Variants in ZC3H13 observed in about 807,000 individuals in gnomAD.
The protein encoded by ZC3H13 is zinc finger CCCH-type containing 13.
In ZC3H13, 64 loss-of-function variants were observed where a neutral mutation model predicts 204.1. The ratio of observed to expected loss-of-function variants is 0.31; its 90% confidence interval spans 0.26 to 0.39. The LOEUF (loss-of-function observed/expected upper bound fraction) is 0.39. Ranked by LOEUF, ZC3H13 falls within the 10% of genes least tolerant of loss-of-function variation. ZC3H13 has a pLI of 1.00. For missense variants in ZC3H13, 1,833 were observed against 2,082.7 expected (o/e 0.88, Z 2.33); for synonymous variants, 667 against 693.7 (o/e 0.96, Z 0.60).
At chr13:45,979,672 T>C in intron 11 of ZC3H13, 141 bp downstream of exon 11, 1 of 763,474 alleles carries the variant, frequency 1.3e-6, no homozygotes, top group Admixed American at 3.4e-5. Context: ...ATTATATGAG[T>C]ATATATAATA....
Position 45,969,415 on chromosome 13 carries a change from A to T in ZC3H13, c.3129T>A (p.Val1043=). 1 of 1,614,044 alleles carries T rather than the reference A, an allele frequency of 6.2e-7. No homozygotes were observed. Among genetic ancestry groups the T allele is most frequent in the Non-Finnish European group, 8.5e-7 (1 of 1,179,986 alleles). Residue 1043 remains valine (V), a synonymous_variant, in exon 14 of 19, where the codon GTT becomes GTA. Transcript: ENST00000679008. ...TACCATTCTTACCATTGCACATTTC[A>T]ACCAATTCCTCTTTAGTTGTTATAG... ...TPPITTKEEL[V]EMCNGKNGIL...
Position 46,045,377 on chromosome 13 carries a change from T to G in ZC3H13, c.117+14A>C. On this transcript the variant is annotated intron_variant, in intron 2 of 18. Coordinates refer to ENST00000679008, the MANE Select transcript of ZC3H13 (RefSeq NM_001330564.2). ...TCTAAGAGAACCCCTGTGACTATAC[T>G]AGTGACAACTCACCTCTGCTGTACT... 1 of 1,598,058 alleles carries G rather than the reference T, an allele frequency of 6.3e-7. No homozygotes were observed. The highest frequency in any genetic ancestry group is 8.6e-7 in the Non-Finnish European group (1 of 1,165,568).
intron 4 of ZC3H13, among the ~76,000 whole-genome samples, chr13:46,023,739 T>A (rs1339095465): frequency 6.6e-6 from 1 of 152,208 alleles, no homozygotes; most frequent in African/African-American, 2.4e-5. Context: ...ACTTCAGGCC[T>A]AAGTGACTTA....
At chr13:45,959,719 T>G in intron 17 of ZC3H13, 73 bp from the exon 18 acceptor site, 1 of 1,379,062 alleles carries the variant, frequency 7.3e-7, no homozygotes, top group Non-Finnish European at 9.5e-7. Flanking sequence ...TAACTGAATA[T>G]TCTACAAATT....
At chr13:45,973,765 C>G (rs1265419367) in intron 12 of ZC3H13, among the ~76,000 whole-genome samples, 1 of 125,806 alleles carries the variant, frequency 7.9e-6, no homozygotes, top group African/African-American at 3.0e-5. Flanking sequence ...ATAAAGAGGT[C>G]AGAAAAGTAG....
At chr13:45,998,805 C>T (rs1189759966) in intron 8 of ZC3H13, among the ~76,000 whole-genome samples, 3 of 152,100 alleles carry the variant, frequency 2.0e-5, no homozygotes. Flanking sequence ...ATGAAGGTTG[C>T]AAAAGGCTGG....
chr13:45,995,196 C>T (rs1445957548), intron 8 of ZC3H13, among the ~76,000 whole-genome samples: 3 of 152,008 alleles, frequency 2.0e-5, no homozygotes, highest in Non-Finnish European at 2.9e-5. Flanking sequence ...ATTAAACTTC[C>T]GAACCACCAG....
chr13:45,979,057 A>G (rs1953321734), intron 11 of ZC3H13, among the ~76,000 whole-genome samples: 1 of 152,106 alleles, frequency 6.6e-6, no homozygotes. Context: ...TCTCTGGGCC[A>G]TCAAGTTTCA....
intron 17 of ZC3H13, chr13:45,963,498 T>G (rs1016185696): frequency 9.5e-7 from 1 of 1,057,014 alleles, no homozygotes; most frequent in Non-Finnish European, 1.1e-6. Flanking sequence ...CATGGCTCAC[T>G]GCAGCCTCAA....
At chr13:46,033,114 T>C (rs1011487451) in intron 4 of ZC3H13, among the ~76,000 whole-genome samples, 5 of 152,094 alleles carry the variant, frequency 3.3e-5, no homozygotes, top group Non-Finnish European at 5.9e-5. Flanking sequence ...TAAAACTGTT[T>C]TGTAAATTTA....
At chr13:46,004,952 T>A (rs2041026044) in intron 7 of ZC3H13, among the ~76,000 whole-genome samples, 1 of 152,228 alleles carries the variant, frequency 6.6e-6, no homozygotes, top group Admixed American at 6.5e-5. Flanking sequence ...CATTCAAAAC[T>A]GGCTGTCTTT....
chr13:45,958,968 CTTAACT>C (rs1402699375), intron 18 of ZC3H13, among the ~76,000 whole-genome samples: 1 of 152,050 alleles, frequency 6.6e-6, no homozygotes, highest in Admixed American at 6.6e-5. Context: ...ATCCCAGTTT[CTTAACT>C]TTAAAGAGTC....
At chr13:45,989,569 C>T (rs1026369569) in intron 8 of ZC3H13, among the ~76,000 whole-genome samples, 2 of 152,120 alleles carry the variant, frequency 1.3e-5, no homozygotes, top group African/African-American at 2.4e-5. Flanking sequence ...AAAAAGTCCA[C>T]GCTGCATGGG....
At chr13:46,026,431 T>TC (rs1248541411) in intron 4 of ZC3H13, among the ~76,000 whole-genome samples, 1 of 151,916 alleles carries the variant, frequency 6.6e-6, no homozygotes, top group Non-Finnish European at 1.5e-5. Context: ...TAAAGAAGAA[T>TC]CTTAAAAATA....
intron 10 of ZC3H13, among the ~76,000 whole-genome samples, chr13:45,981,917 T>G (rs1953661075): frequency 6.6e-6 from 1 of 150,984 alleles, no homozygotes; most frequent in Non-Finnish European, 1.5e-5. Flanking sequence ...TACCTAATGC[T>G]AAATGACGAG....
At chr13:45,964,408 G>T (rs1951917663) in intron 16 of ZC3H13, among the ~76,000 whole-genome samples, 2 of 152,188 alleles carry the variant, frequency 1.3e-5, no homozygotes, top group South Asian at 4.1e-4. Flanking sequence ...ACATGTGTTT[G>T]CAGTGTGTGC....
In ZC3H13 at chr13:46,020,497, T is replaced by C; in HGVS notation, c.400A>G (p.Thr134Ala). The C allele has an allele frequency of 6.2e-7, 1 of 1,611,464 alleles. No individual in the cohort carries two copies. Among genetic ancestry groups the C allele is most frequent in the Non-Finnish European group, 8.5e-7 (1 of 1,178,862 alleles). The change falls in exon 5 of 19, where the codon ACT (threonine) becomes GCT (alanine). Residue 134 changes from threonine (T) to alanine (A), a missense_variant. Thr to Ala is a moderately conservative substitution (Grantham distance 58, BLOSUM62 0). Around this residue, in one of 5 missense-constraint regions of ZC3H13, gnomAD observed 1,574 missense variants for 1,757.2 expected, o/e 0.90. Transcript: ENST00000679008. ...ACATTTTCTTCTTCACTTTCTGGAG[T>C]TCTTTCCTTAGTGATTTTTATGTCT... ...KEDIKITKER[T>A]PESEEENVEW...
intron 4 of ZC3H13, among the ~76,000 whole-genome samples, chr13:46,034,586 G>A (rs2043098277): frequency 1.3e-5 from 2 of 152,106 alleles, no homozygotes; most frequent in South Asian, 4.1e-4. Context: ...GTGAGTTTGG[G>A]AGGCGACTGA....
At chr13:45,997,436 T>G (rs1018394106) in intron 8 of ZC3H13, among the ~76,000 whole-genome samples, 2 of 152,144 alleles carry the variant, frequency 1.3e-5, no homozygotes, top group Admixed American at 1.3e-4. Context: ...TAGAAGGGTA[T>G]GGGCACTCTC....
Sources: gnomAD v4.1 joint callset for allele counts (sites outside exome capture counted in the v4.1 genomes callset) on GRCh38, gnomAD v4.1.1 for gene constraint, gnomAD v4.1.1 regional missense constraint, MANE v1.5 for transcripts, NCBI Gene and HGNC (gene_info 2026-07-23, HGNC 2026-07-21) for gene names.